The following CYP26C1 variants were observed in gnomAD, a reference collection of about 807,000 sequenced individuals.
CYP26C1 encodes cytochrome P450 26C1.
A neutral mutation model predicts 39.1 loss-of-function variants in CYP26C1; 41 were observed. That is an observed-to-expected ratio of 1.05 (90% CI 0.82 to 1.36). The LOEUF (loss-of-function observed/expected upper bound fraction) is 1.36. Among genes scored for constraint, CYP26C1 ranks in the 40% most tolerant of loss-of-function variants. The pLI, the probability that CYP26C1 is intolerant of heterozygous loss-of-function variation, is 0.00. For missense variants in CYP26C1, 833 were observed against 752.0 expected, an observed-to-expected ratio of 1.11 and a Z score of -1.26; for synonymous variants, 362 against 350.8, an observed-to-expected ratio of 1.03 and a Z score of -0.36.
At position 93,061,232 on chromosome 10, in the gene CYP26C1, G is replaced by T. The variant is rs374243524; in HGVS notation, c.-32G>T. Reference sequence around the variant, plus strand: ...TTCTTGCGTCCCCTGCTCTCCCTGCGCTCTGAGCGGCCTGGCCCCCGCGGG... The same window carrying T: ...TTCTTGCGTCCCCTGCTCTCCCTGCTCTCTGAGCGGCCTGGCCCCCGCGGG... On this transcript the variant is annotated 5_prime_UTR_variant, in exon 1 of 6. Coordinates refer to ENST00000651965, the MANE Select transcript of CYP26C1 (RefSeq NM_183374.3). 7 of 1,543,548 alleles carry T rather than the reference G, an allele frequency of 4.5e-6. No homozygotes were observed. The Admixed American group carries it at 5.9e-5, about 13-fold the overall frequency.
Position 93,061,229 on chromosome 10 carries a change from T to C in CYP26C1, c.-35T>C, listed in dbSNP as rs1258910744. 1 of 1,542,350 alleles carries C rather than the reference T, an allele frequency of 6.5e-7. No homozygotes were observed. Among genetic ancestry groups the C allele is most frequent in the Admixed American group, 2.0e-5 (1 of 50,992 alleles). On this transcript the variant is annotated 5_prime_UTR_variant, in exon 1 of 6. Transcript: ENST00000651965. The stretch of plus-strand genomic sequence containing the variant: ...CGGTTCTTGCGTCCCCTGCTCTCCC[T>C]GCGCTCTGAGCGGCCTGGCCCCCGC...
rs561384865 is a variant in CYP26C1 at position 93,068,900 on chromosome 10, C to T, written c.*203C>T. On this transcript the variant is annotated 3_prime_UTR_variant, in exon 6 of 6. Coordinates refer to ENST00000651965, the MANE Select transcript of CYP26C1 (RefSeq NM_183374.3). The stretch of plus-strand genomic sequence containing the variant: ...CACCGCTGCCGCGCCAGAGAAGCAT[C>T]TAAGCCCATGGGAAGATGCCTTCTG... 15 of 921,594 alleles carry T rather than the reference C, an allele frequency of 1.6e-5. No individual in the cohort carries two copies. The East Asian group carries it at 4.3e-4, about 27-fold the overall frequency. 57.1% of individuals were successfully genotyped at this position (921,594 alleles called of 1,614,324 possible).
intron 3 of CYP26C1, 151 bp downstream of exon 3, chr10:93,063,146 G>GGTGGC: frequency 7.2e-7 from 1 of 1,397,698 alleles, no homozygotes; most frequent in Non-Finnish European, 9.2e-7. Flanking sequence ...GCGTTGTGGC[G>GGTGGC]GTGGCGTGGC....
In CYP26C1 at chr10:93,064,525, CAGG is replaced by C; in HGVS notation, c.853_855del (p.Glu285del). ...GGAGCTGGGCCATGAGCCCTCCATG[CAGG>C]AGCTGAAGGTAGGTGCTGACAGGCC... On this transcript the variant is annotated inframe_deletion, in exon 4 of 6. Transcript: ENST00000651965. The C allele has an allele frequency of 6.2e-7, 1 of 1,613,234 alleles. No homozygotes were observed. The highest frequency in any genetic ancestry group is 8.5e-7 in the Non-Finnish European group (1 of 1,179,400).
At position 93,068,373 on chromosome 10, in the gene CYP26C1, C is replaced by A. The variant is rs768629191; in HGVS notation, c.1245C>A (p.His415Gln). 3 of 1,575,946 alleles carry A rather than the reference C, an allele frequency of 1.9e-6. No individual in the cohort carries two copies. Among genetic ancestry groups the A allele is most frequent in the African/African-American group, 1.4e-5 (1 of 73,124 alleles). ...TGATGTATAGCATCCGGGACACGCA[C>A]GAGACGGCTGCGGTGTACCGCAGCC... ...WSVMYSIRDT[H>Q]ETAAVYRSPP... The change falls in exon 6 of 6, where the codon CAC (histidine) becomes CAA (glutamine). Residue 415 changes from histidine (H) to glutamine (Q), a missense_variant. Transcript: ENST00000651965.
In CYP26C1 at chr10:93,068,976, G is replaced by A; in HGVS notation, c.*279G>A. The A allele has an allele frequency of 2.4e-6, 1 of 417,660 alleles. No homozygotes were observed. Among genetic ancestry groups the A allele is most frequent in the Non-Finnish European group, 4.1e-6 (1 of 243,854 alleles). The allele number at this position is 417,660 out of a possible 1,614,324, so 25.9% of individuals were successfully genotyped here. ...TGTCGTGGGCCAAGCAGGAATGGAGGGAATAGATAGATCCCCACGAGGTGC... is the reference window on the plus strand; with the variant it reads ...TGTCGTGGGCCAAGCAGGAATGGAGAGAATAGATAGATCCCCACGAGGTGC... On this transcript the variant is annotated 3_prime_UTR_variant, in exon 6 of 6. Transcript: ENST00000651965.
At chr10:93,064,105 T>G (rs1846786242) in intron 3 of CYP26C1, 1 of 1,208,960 alleles carries the variant, frequency 8.3e-7, no homozygotes, top group Admixed American at 3.7e-5. Flanking sequence ...TTGCTTGACC[T>G]CTCTGAACTT....
rs2134416718 is a variant in CYP26C1, at chr10:93,068,581, G to T, written c.1453G>T (p.Ala485Ser). The T allele has an allele frequency of 6.3e-7, 1 of 1,594,250 alleles. No individual in the cohort carries two copies. Among genetic ancestry groups the T allele is most frequent in the East Asian group, 2.3e-5 (1 of 44,234 alleles). The change falls in exon 6 of 6, where the codon GCC becomes TCC. Residue 485 changes from alanine to serine, a missense_variant. Transcript: ENST00000651965. Reference protein sequence around the residue: ...ELVRTARWELATPAFPAMQTV... With the variant: ...ELVRTARWELSTPAFPAMQTV... The stretch of plus-strand genomic sequence containing the variant: ...AGTGCGCACCGCGCGCTGGGAACTG[G>T]CCACACCCGCCTTCCCCGCCATGCA...
rs1846853170 is a variant in CYP26C1 at position 93,068,345 on chromosome 10, G to A, written c.1217G>A (p.Ser406Asn). 12 of 1,540,236 alleles carry A rather than the reference G, an allele frequency of 7.8e-6. No individual in the cohort carries two copies. The highest frequency in any genetic ancestry group is 1.0e-5 in the Non-Finnish European group (12 of 1,145,994). Residue 406 changes from serine to asparagine, a missense_variant, in exon 6 of 6, where the codon AGC becomes AAC. By Grantham distance (46) the Ser-to-Asn change is conservative. Transcript: ENST00000651965. ...GGCTACCAGATCCCCAAGGGCTGGA[G>A]CGTGATGTATAGCATCCGGGACACG... ...LDGYQIPKGW[S>N]VMYSIRDTHE...
rs368626366 is a variant in CYP26C1 at position 93,066,183 on chromosome 10, G to A, written c.1089G>A (p.Leu363=). 5.1e-5 allele frequency: 75 copies of A among 1,463,132 alleles called. No homozygotes were observed. In the African/African-American group the frequency reaches 6.8e-4, roughly 13 times the overall value. 90.6% of individuals were successfully genotyped at this position (1,463,132 alleles called of 1,614,324 possible). A position where few individuals can be genotyped will look rare whatever the true frequency, so the allele number is the denominator to read the frequency against. ...GCEPDLSLAA[L]GRLRYVDCVV... ...AGCCCGACCTCAGCCTCGCGGCGCT[G>A]GGCCGTCTGCGCTACGTCGACTGCG... The change falls in exon 5 of 6, where the codon CTG becomes CTA. Residue 363 remains leucine, a synonymous_variant. Transcript: ENST00000651965.
In CYP26C1 at chr10:93,066,110, C is replaced by T. The variant is rs1006923741; in HGVS notation, c.1016C>T (p.Pro339Leu). Reference protein sequence around the residue: ...QGLGRACGCAPGAAGGSEGPP... With the variant: ...QGLGRACGCALGAAGGSEGPP... Reference sequence around the variant, plus strand: ...CTGGGGCGCGCGTGCGGCTGCGCGCCCGGGGCCGCTGGGGGCAGCGAGGGG... The same window carrying T: ...CTGGGGCGCGCGTGCGGCTGCGCGCTCGGGGCCGCTGGGGGCAGCGAGGGG... The change falls in exon 5 of 6, where the codon CCC becomes CTC. Residue 339 changes from proline to leucine, a missense_variant. By Grantham distance (98) the Pro-to-Leu change is moderately conservative. Transcript: ENST00000651965. 6 of 1,322,246 alleles carry T rather than the reference C, an allele frequency of 4.5e-6. No individual in the cohort carries two copies. Among genetic ancestry groups the T allele is most frequent in the Non-Finnish European group, 9.6e-7 (1 of 1,042,692 alleles). 81.9% of individuals were successfully genotyped at this position (1,322,246 alleles called of 1,614,324 possible). A position where few individuals can be genotyped will look rare whatever the true frequency, so the allele number is the denominator to read the frequency against.
chr10:93,062,915 A>G lies in CYP26C1; in HGVS notation c.625A>G (p.Thr209Ala), dbSNP rs1159105755. ...GCGGCTGGACGAGGCGCAGTGCGCCACGCTGGCCCGGACCTTCGAGCAGCT... is the reference window on the plus strand; with the variant it reads ...GCGGCTGGACGAGGCGCAGTGCGCCGCGCTGGCCCGGACCTTCGAGCAGCT... ...GLRLDEAQCA[T>A]LARTFEQLVE... The change falls in exon 3 of 6, where the codon ACG becomes GCG. Residue 209 changes from threonine (T) to alanine (A), a missense_variant. Thr to Ala is a moderately conservative substitution (Grantham distance 58, BLOSUM62 0). Transcript: ENST00000651965. 6.2e-7 allele frequency: 1 copy of G among 1,605,678 alleles called. No individual in the cohort carries two copies. The highest frequency in any genetic ancestry group is 1.3e-5 in the African/African-American group (1 of 74,720).
Position 93,062,960 on chromosome 10 carries a change from C to A in CYP26C1, c.670C>A (p.Leu224Met). 1 of 1,600,814 alleles carries A rather than the reference C, an allele frequency of 6.2e-7. No homozygotes were observed. The highest frequency in any genetic ancestry group is 8.5e-7 in the Non-Finnish European group (1 of 1,176,886). Reference sequence around the variant, plus strand: ...GCAGCTCGTGGAGAACCTCTTCTCACTGCCTCTGGACGTTCCCTTCAGTGG... The same window carrying A: ...GCAGCTCGTGGAGAACCTCTTCTCAATGCCTCTGGACGTTCCCTTCAGTGG... ...FEQLVENLFS[L>M]PLDVPFSGLR... The change falls in exon 3 of 6, where the codon CTG becomes ATG. Residue 224 changes from leucine (L) to methionine (M), a missense_variant. Transcript: ENST00000651965.
At chr10:93,063,174 GCC>G in intron 3 of CYP26C1, 179 bp downstream of exon 3, 1 of 1,377,180 alleles carries the variant, frequency 7.3e-7, no homozygotes, top group East Asian at 2.9e-5. Flanking sequence ...TCTGGGCCTG[GCC>G]TCTGTGCTGG....
chr10:93,068,162 G>T (rs762508152), intron 5 of CYP26C1, among the ~76,000 whole-genome samples, 158 bp from the exon 6 acceptor site: 2 of 152,230 alleles, frequency 1.3e-5, no homozygotes, highest in Non-Finnish European at 2.9e-5. Context: ...TGAAGGAGTT[G>T]AGATTGGAAC....
intron 4 of CYP26C1, chr10:93,064,865 G>T: frequency 9.7e-7 from 1 of 1,027,192 alleles, no homozygotes; most frequent in Non-Finnish European, 1.2e-6. Flanking sequence ...CTTTGCCTCT[G>T]CTGTCCCCCT....
Position 93,061,121 on chromosome 10 carries a change from G to A in CYP26C1, c.-143G>A, listed in dbSNP as rs769884014. 6.1e-6 allele frequency: 5 copies of A among 825,188 alleles called. No homozygotes were observed. In the Admixed American group the frequency reaches 8.4e-5, roughly 14 times the overall value. 51.1% of individuals were successfully genotyped at this position (825,188 alleles called of 1,614,324 possible). On this transcript the variant is annotated 5_prime_UTR_variant, in exon 1 of 6. Transcript: ENST00000651965. The stretch of plus-strand genomic sequence containing the variant: ...TGTTTTTAGAACAGAGTTCTGGCCT[G>A]AGCTTATAAATCTCGGGCTTTGCCC...
chr10:93,065,437 G>C (rs1846813223), intron 4 of CYP26C1, among the ~76,000 whole-genome samples: 1 of 152,232 alleles, frequency 6.6e-6, no homozygotes, highest in South Asian at 2.1e-4. Flanking sequence ...GGCTGGCACT[G>C]CTGCTGCAGG....
intron 5 of CYP26C1, 21 bp from the exon 6 acceptor site, chr10:93,068,299 G>T: frequency 6.7e-7 from 1 of 1,491,470 alleles, no homozygotes; most frequent in Non-Finnish European, 8.9e-7. Context: ...TGGTCAGGCT[G>T]ATCTCCTCGC....
Sources: gnomAD v4.1 joint callset for allele counts (sites outside exome capture counted in the v4.1 genomes callset) on GRCh38, gnomAD v4.1.1 for gene constraint, MANE v1.5 for transcripts, NCBI Gene and HGNC (gene_info 2026-07-23, HGNC 2026-07-21) for gene names.